Variants in BRPF1 observed in about 807,000 individuals in gnomAD.
BRPF1 encodes bromodomain and PHD finger containing 1.
Under a neutral mutation model 115.0 loss-of-function variants are expected in BRPF1, and 15 were observed. The observed-to-expected ratio is 0.13, with a 90% CI of 0.09 to 0.20. The LOEUF is 0.20. Among genes scored for constraint, BRPF1 ranks in the 10% least tolerant of loss-of-function variants. The probability of loss-of-function intolerance (pLI) is 1.00; values close to 1 mark genes in which losing one functional copy is unlikely to be tolerated. For synonymous variants in BRPF1, 647 were observed against 619.8 expected (o/e 1.04, Z -0.65); for missense variants, 1,118 against 1,638.3 (o/e 0.68, Z 5.48).
chr3:9,733,754 G>A (rs1049260658), intron 1 of BRPF1, among the ~76,000 whole-genome samples: 59 of 152,206 alleles, frequency 3.9e-4, no homozygotes, highest in African/African-American at 1.3e-3. Flanking sequence ...GAGGACTAGG[G>A]CCAGTCAGTG....
Position 9,734,282 on chromosome 3 carries a change from G to A in BRPF1, c.142G>A (p.Asp48Asn), listed in dbSNP as rs1007331876. 10 of 1,613,780 alleles carry A rather than the reference G, an allele frequency of 6.2e-6. No homozygotes were observed. The African/African-American group carries it at 8.0e-5, about 13-fold the overall frequency. ...IEYHLYHYDH[D>N]NPPPPQQTPL... ...GTACCACCTGTACCACTATGACCAC[G>A]ACAACCCACCACCCCCACAACAAAC... Residue 48 changes from aspartate (D) to asparagine (N), a missense_variant, in exon 2 of 14, where the codon GAC becomes AAC. Asp to Asn is a conservative substitution (Grantham distance 23). This residue lies in a region of BRPF1 where 280 missense variants were observed against 382.8 expected (regional missense o/e 0.73). Transcript: ENST00000383829. The surrounding 1 kb of genome is among the most constrained non-coding windows in gnomAD (Gnocchi z 5.7).
rs375000879 is a variant in BRPF1, at chr3:9,743,226, G to A, written c.2284G>A (p.Asp762Asn). ...GCATATCCCCCACAGCCTGGCTGGA[G>A]ATGAGGCCACACACCACACTGAAGA... ...GMHIPHSLAG[D>N]EATHHTEDAA... Residue 762 changes from aspartate to asparagine, a missense_variant, in exon 7 of 14, where the codon GAT (aspartate) becomes AAT (asparagine). Coordinates refer to ENST00000383829, the MANE Select transcript of BRPF1 (RefSeq NM_001003694.2). The surrounding 1 kb of genome is among the most constrained non-coding windows in gnomAD (Gnocchi z 6.1). The A allele has an allele frequency of 1.4e-5, 22 of 1,613,864 alleles. No individual in the cohort carries two copies. Among genetic ancestry groups the A allele is most frequent in the East Asian group, 6.7e-5 (3 of 44,898 alleles).
Position 9,742,946 on chromosome 3 carries a change from A to T in BRPF1, c.2004A>T (p.Val668=), listed in dbSNP as rs1258254894. ...ACAAACCTGCCCTGCCCTTCCAGGT[A>T]CCTGACTACCTAGACCACATCAAAA... ...PLSEVTELDE[V]PDYLDHIKKP... Residue 668 remains valine (V), a splice_region_variant and synonymous_variant, in exon 7 of 14, where the codon GTA becomes GTT. Coordinates refer to ENST00000383829, the MANE Select transcript of BRPF1 (RefSeq NM_001003694.2). 3 of 1,610,774 alleles carry T rather than the reference A, an allele frequency of 1.9e-6. No individual in the cohort carries two copies. In the Admixed American group the frequency reaches 5.0e-5, roughly 27 times the overall value.
Position 9,745,217 on chromosome 3 carries a change from T to C in BRPF1, c.3068+62T>C. 1 of 1,555,694 alleles carries C rather than the reference T, an allele frequency of 6.4e-7. No individual in the cohort carries two copies. Among genetic ancestry groups the C allele is most frequent in the South Asian group, 1.2e-5 (1 of 83,004 alleles). Reference sequence around the variant, plus strand: ...TGCCCTTCCAGGGCTCTTGGGCCTGTGTAGGTTTCCCTGTTGGAAGTGGGG... The same window carrying C: ...TGCCCTTCCAGGGCTCTTGGGCCTGCGTAGGTTTCCCTGTTGGAAGTGGGG... On this transcript the variant is annotated intron_variant, in intron 10 of 13. Transcript: ENST00000383829. This position sits in a 1 kb window ranked among gnomAD's most constrained non-coding sequence, Gnocchi z 5.1.
In BRPF1 at chr3:9,739,114, C is replaced by T. The variant is rs1251089843; in HGVS notation, c.715C>T (p.Pro239Ser). The part of the protein sequence containing the change: ...NERRKTEGVS[P>S]IPQEIFEYLM... ...GCGTCGGAAGACAGAGGGTGTAAGT[C>T]CCATCCCGCAGGAGATCTTTGAGTA... is the stretch of plus-strand genomic sequence containing the variant. Residue 239 changes from proline to serine, a missense_variant, in exon 3 of 14, where the codon CCC becomes TCC. Physicochemically the swap from Pro to Ser is moderately conservative, Grantham distance 74. Transcript: ENST00000383829. The T allele has an allele frequency of 1.9e-6, 3 of 1,613,996 alleles. No individual in the cohort carries two copies. The South Asian group carries it at 3.3e-5, about 18-fold the overall frequency.
chr3:9,741,038 CTCTT>C, intron 4 of BRPF1, 97 bp downstream of exon 4: 1 of 1,320,768 alleles, frequency 7.6e-7, no homozygotes, highest in Admixed American at 2.1e-5. Context: ...AGGGCTTAGA[CTCTT>C]TCCTCCTTTA....
intron 6 of BRPF1, 37 bp downstream of exon 6, chr3:9,742,208 T>G (rs2077043655): frequency 6.2e-7 from 1 of 1,608,976 alleles, no homozygotes; most frequent in African/African-American, 1.3e-5. Context: ...CTTCTCTCTG[T>G]TCCTCTCCCA....
Position 9,732,121 on chromosome 3 carries a change from C to T in BRPF1, c.-28C>T, listed in dbSNP as rs896502674. ...CCGGCGGGCGCCCCCGGCGATGAGC[C>T]CGGACTCGAGGTGGCCGGTGAGTGC... On this transcript the variant is annotated 5_prime_UTR_variant, in exon 1 of 14. Transcript: ENST00000383829. 2.0e-5 allele frequency: 3 copies of T among 152,400 alleles called. No individual in the cohort carries two copies. Among genetic ancestry groups the T allele is most frequent in the Admixed American group, 2.0e-4 (3 of 15,288 alleles). 9.4% of individuals were successfully genotyped at this position (152,400 alleles called of 1,614,324 possible). A position where few individuals can be genotyped will look rare whatever the true frequency, so the allele number is the denominator to read the frequency against.
At chr3:9,735,821 T>TAA (rs762792347) in intron 2 of BRPF1, among the ~76,000 whole-genome samples, 2 of 152,184 alleles carry the variant, frequency 1.3e-5, no homozygotes, top group Non-Finnish European at 2.9e-5. Context: ...AAACCAAGTG[T>TAA]AAAACCTCTC....
intron 2 of BRPF1, among the ~76,000 whole-genome samples, chr3:9,737,209 A>G (rs537172314): frequency 6.6e-6 from 1 of 152,346 alleles, no homozygotes; most frequent in South Asian, 2.1e-4. Context: ...ATGCCTTTCA[A>G]ATGAACAGTG....
At position 9,746,312 on chromosome 3, in the gene BRPF1, A is replaced by G. The variant is rs1353062778; in HGVS notation, c.3337A>G (p.Lys1113Glu). 2 of 1,567,936 alleles carry G rather than the reference A, an allele frequency of 1.3e-6. No individual in the cohort carries two copies. Among genetic ancestry groups the G allele is most frequent in the Non-Finnish European group, 1.7e-6 (2 of 1,152,204 alleles). Residue 1113 changes from lysine (K) to glutamate (E), a missense_variant, in exon 13 of 14, where the codon AAG becomes GAG. Transcript: ENST00000383829. ...PSYPALIIDP[K>E]MPREGMFHHG... ...ATTATATCCTCAGATCATTGATCCA[A>G]AGATGCCCCGAGAAGGTATGTTCCA... is the stretch of plus-strand genomic sequence containing the variant.
At chr3:9,735,998 AC>A (rs1286829258) in intron 2 of BRPF1, among the ~76,000 whole-genome samples, 1 of 146,696 alleles carries the variant, frequency 6.8e-6, no homozygotes, top group African/African-American at 2.5e-5. Context: ...ATGATGTTAA[AC>A]CTCCATTTTT....
Position 9,744,399 on chromosome 3 carries a change from C to G in BRPF1, c.2811C>G (p.Pro937=), listed in dbSNP as rs1186001110. ...PSHGGSPVGP[P]QLPIMSSLRQ... ...ACGGAGGCAGTCCTGTGGGGCCCCCCCAGCTCCCCATCATGAGTTCCCTGC... is the reference window on the plus strand; with the variant it reads ...ACGGAGGCAGTCCTGTGGGGCCCCCGCAGCTCCCCATCATGAGTTCCCTGC... Residue 937 remains proline, a synonymous_variant, in exon 9 of 14, where the codon CCC becomes CCG. Transcript: ENST00000383829. 1 of 1,611,218 alleles carries G rather than the reference C, an allele frequency of 6.2e-7. No homozygotes were observed. Among genetic ancestry groups the G allele is most frequent in the Non-Finnish European group, 8.5e-7 (1 of 1,178,652 alleles).
intron 9 of BRPF1, 81 bp downstream of exon 9, chr3:9,744,589 A>C: frequency 9.1e-7 from 1 of 1,097,376 alleles, no homozygotes; most frequent in Non-Finnish European, 1.3e-6. Flanking sequence ...TTACCCCTTT[A>C]TTTGCCCATA....
Position 9,742,159 on chromosome 3 carries a change from C to T in BRPF1, c.1989C>T (p.Thr663=). Residue 663 remains threonine, a synonymous_variant, in exon 6 of 14, where the codon ACC becomes ACT. Coordinates refer to ENST00000383829, the MANE Select transcript of BRPF1 (RefSeq NM_001003694.2). ...AGCCGGTCCCTCTGTCTGAGGTAAC[C>T]GAATTGGACGAAGTAAGAATCCCTT... ...FSEPVPLSEV[T]ELDEVPDYLD... The T allele has an allele frequency of 4.3e-6, 7 of 1,614,062 alleles. No individual in the cohort carries two copies. Among genetic ancestry groups the T allele is most frequent in the East Asian group, 2.2e-5 (1 of 44,884 alleles).
At position 9,734,677 on chromosome 3, in the gene BRPF1, G is replaced by T. The variant is rs755639079; in HGVS notation, c.537G>T (p.Val179=). 6.2e-7 allele frequency: 1 copy of T among 1,614,102 alleles called. No homozygotes were observed. ...SASTTPKLPE[V]VYRELEQDTP... is the part of the protein sequence containing the mutation. ...GCACCACTCCCAAGCTGCCAGAGGT[G>T]GTCTATCGGGAGCTGGAACAGGACA... The change falls in exon 2 of 14, where the codon GTG becomes GTT. Residue 179 remains valine, a synonymous_variant. Coordinates refer to ENST00000383829, the MANE Select transcript of BRPF1 (RefSeq NM_001003694.2). This position sits in a 1 kb window ranked among gnomAD's most constrained non-coding sequence, Gnocchi z 5.7.
chr3:9,739,783 A>G lies in BRPF1; in HGVS notation c.1384A>G (p.Ser462Gly), dbSNP rs373486740. The G allele has an allele frequency of 1.7e-5, 28 of 1,613,658 alleles. No homozygotes were observed. Among genetic ancestry groups the G allele is most frequent in the Non-Finnish European group, 2.1e-5 (25 of 1,179,832 alleles). The change falls in exon 3 of 14, where the codon AGC becomes GGC. Residue 462 changes from serine (S) to glycine (G), a missense_variant. Ser to Gly is a moderately conservative substitution (Grantham distance 56). Coordinates refer to ENST00000383829, the MANE Select transcript of BRPF1 (RefSeq NM_001003694.2). ...SARRLPALSH[S>G]EGEEDEDEEE... ...ACGCCGACTGCCTGCCCTGTCCCAC[A>G]GCGAGGGTGAGGAGGATGAAGATGA... is the stretch of plus-strand genomic sequence containing the variant.
Position 9,734,883 on chromosome 3 carries a change from T to C in BRPF1, c.599+144T>C, listed in dbSNP as rs2076914259. 8 of 984,548 alleles carry C rather than the reference T, an allele frequency of 8.1e-6. No homozygotes were observed. The highest frequency in any genetic ancestry group is 1.2e-5 in the Non-Finnish European group (8 of 671,206). 61.0% of individuals were successfully genotyped at this position (984,548 alleles called of 1,614,324 possible). ...GATTTTGCCAGGGCAGTGAGTGGAATGGTACGCCACTAATGCACTTACTCT... is the reference window on the plus strand; with the variant it reads ...GATTTTGCCAGGGCAGTGAGTGGAACGGTACGCCACTAATGCACTTACTCT... On this transcript the variant is annotated intron_variant, in intron 2 of 13. Transcript: ENST00000383829. The surrounding 1 kb of genome is among the most constrained non-coding windows in gnomAD (Gnocchi z 5.7).
At position 9,747,265 on chromosome 3, in the gene BRPF1, A is replaced by G. The variant is rs370743312; in HGVS notation, c.3579A>G (p.Ser1193=). The G allele has an allele frequency of 3.7e-6, 6 of 1,614,128 alleles. No homozygotes were observed. Among genetic ancestry groups the G allele is most frequent in the Non-Finnish European group, 5.1e-6 (6 of 1,180,062 alleles). The change falls in exon 14 of 14, where the codon TCA becomes TCG. Residue 1193 remains serine (S), a synonymous_variant. Transcript: ENST00000383829. The surrounding 1 kb of genome is among the most constrained non-coding windows in gnomAD (Gnocchi z 5.6). The stretch of plus-strand genomic sequence containing the variant: ...GCCGCAAGTCCAACATCCGCAAGTC[A>G]GTACAGATCGCCTACCACAGGGCTC... ...LEGRKSNIRK[S]VQIAYHRALQ... is the part of the protein sequence containing the mutation.
Sources: gnomAD v4.1 joint callset for allele counts (sites outside exome capture counted in the v4.1 genomes callset) on GRCh38, gnomAD v4.1.1 for gene constraint, gnomAD v4.1.1 regional missense constraint, Gnocchi (gnomAD v3.1) non-coding constraint, MANE v1.5 for transcripts, NCBI Gene and HGNC (gene_info 2026-07-23, HGNC 2026-07-21) for gene names.